Variants in TRAIP observed in about 807,000 individuals in gnomAD.
TRAIP encodes TRAF interacting protein.
A neutral mutation model predicts 65.0 loss-of-function variants in TRAIP; 37 were observed. The ratio of observed to expected loss-of-function variants is 0.57; its 90% CI spans 0.44 to 0.75. The LOEUF (loss-of-function observed/expected upper bound fraction) is 0.75. Ranked by LOEUF, TRAIP falls within the 30% of genes least tolerant of loss-of-function variation. The pLI is 0.00. For missense variants in TRAIP, 481 were observed against 579.4 expected, an observed-to-expected ratio of 0.83 and a Z score of 1.74; for synonymous variants, 187 against 219.1, an observed-to-expected ratio of 0.85 and a Z score of 1.29.
At chr3:49,848,845 A>G (rs2081907466) in intron 1 of TRAIP, among the ~76,000 whole-genome samples, 2 of 151,866 alleles carry the variant, frequency 1.3e-5, no homozygotes, top group South Asian at 2.1e-4. Context: ...CTATGTACTC[A>G]TAACTTTTTT....
At chr3:49,841,722 T>C in intron 7 of TRAIP, 104 bp downstream of exon 7, 1 of 830,570 alleles carries the variant, frequency 1.2e-6, no homozygotes, top group African/African-American at 1.7e-5. Context: ...GCTCCAGAGT[T>C]TGCCCCTTAG....
chr3:49,848,246 T>C (rs1575398459), intron 1 of TRAIP, 46 bp from the exon 2 acceptor site: 1 of 1,604,938 alleles, frequency 6.2e-7, no homozygotes, highest in African/African-American at 1.3e-5. Flanking sequence ...CTGGTTTGTC[T>C]GGGGACATAA....
chr3:49,842,025 G>A (rs533159421), intron 6 of TRAIP, 86 bp from the exon 7 acceptor site: 17 of 1,080,166 alleles, frequency 1.6e-5, no homozygotes, highest in African/African-American at 7.8e-5. Flanking sequence ...CTTTGCTGCC[G>A]TTGCTAAGGT....
intron 3 of TRAIP, 97 bp downstream of exon 3, chr3:49,847,428 A>T (rs2081894132): frequency 6.5e-6 from 5 of 771,962 alleles, no homozygotes; most frequent in Non-Finnish European, 1.1e-5. Flanking sequence ...AAAAGAGAAG[A>T]GAAGAGAAGA....
intron 10 of TRAIP, among the ~76,000 whole-genome samples, chr3:49,834,514 A>T (rs115615516): frequency 0.029 from 4,419 of 152,318 alleles, 104 homozygotes; most frequent in Non-Finnish European, 0.041. Flanking sequence ...GCTCCACCCC[A>T]TCCTAATCTG....
At chr3:49,835,808 G>A (rs770605258) in intron 10 of TRAIP, among the ~76,000 whole-genome samples, 14 of 151,602 alleles carry the variant, frequency 9.2e-5, no homozygotes, top group East Asian at 2.0e-4. Context: ...GCGTGGTGGC[G>A]GGCACCTGTA....
At chr3:49,834,275 C>T (rs896200104) in intron 10 of TRAIP, among the ~76,000 whole-genome samples, 2 of 152,094 alleles carry the variant, frequency 1.3e-5, no homozygotes, top group Non-Finnish European at 2.9e-5. Flanking sequence ...TGATGCCTCC[C>T]TAAAATGACA....
At chr3:49,839,165 G>A (rs1440555098) in intron 10 of TRAIP, among the ~76,000 whole-genome samples, 3 of 151,462 alleles carry the variant, frequency 2.0e-5, no homozygotes, top group Admixed American at 2.0e-4. Context: ...CTCCAGCCTG[G>A]CAACAGAGTA....
chr3:49,831,918 T>G lies in TRAIP; in HGVS notation c.1035A>C (p.Ser345=). 1 of 1,572,472 alleles carries G rather than the reference T, an allele frequency of 6.4e-7. No homozygotes were observed. Among genetic ancestry groups the G allele is most frequent in the Non-Finnish European group, 8.6e-7 (1 of 1,158,214 alleles). ...GYYEKLCLEK[S]HSPIQDVPKK... is the part of the protein sequence containing the mutation. ...CAGTGCCAGCGACTATCACTCACTG[T>G]GACTTCTCTAGGCAAAGTTTTTCGT... is the stretch of plus-strand genomic sequence containing the variant. The change falls in exon 11 of 15, where the codon TCA becomes TCC. Residue 345 remains serine (S), a splice_region_variant and synonymous_variant. Transcript: ENST00000331456.
Position 49,832,058 on chromosome 3 carries a change from C to G in TRAIP, c.895G>C (p.Val299Leu). The G allele has an allele frequency of 6.3e-7, 1 of 1,594,160 alleles. No individual in the cohort carries two copies. Among genetic ancestry groups the G allele is most frequent in the Non-Finnish European group, 8.5e-7 (1 of 1,169,856 alleles). ...CGGCGGAGCTTCAGATTCACCTCCACAGGGGCTGGGCTGAAGGCAGAGATG... is the reference window on the plus strand; with the variant it reads ...CGGCGGAGCTTCAGATTCACCTCCAGAGGGGCTGGGCTGAAGGCAGAGATG... Reference protein sequence around the residue: ...DRLVLESPAPVEVNLKLRRPS... With the variant: ...DRLVLESPAPLEVNLKLRRPS... Residue 299 changes from valine (V) to leucine (L), a missense_variant, in exon 11 of 15, where the codon GTG (valine) becomes CTG (leucine). Physicochemically the swap from Val to Leu is conservative, Grantham distance 32 (BLOSUM62 1). Coordinates refer to ENST00000331456, the MANE Select transcript of TRAIP (RefSeq NM_005879.3).
intron 4 of TRAIP, 98 bp from the exon 5 acceptor site, chr3:49,844,026 G>T: frequency 6.8e-7 from 1 of 1,463,862 alleles, no homozygotes; most frequent in Non-Finnish European, 9.2e-7. Context: ...CCCTTAGGCA[G>T]GTGAGAAACA....
intron 10 of TRAIP, among the ~76,000 whole-genome samples, chr3:49,833,366 C>T (rs2081752509): frequency 6.6e-6 from 1 of 152,242 alleles, no homozygotes; most frequent in South Asian, 2.1e-4. Flanking sequence ...TCACTTGCAC[C>T]TCCTGGTCAT....
In TRAIP at chr3:49,839,492, G is replaced by A. The variant is rs942041699; in HGVS notation, c.884+280C>T. 5.3e-5 allele frequency among the ~76,000 whole-genome samples: 8 copies of A among 152,188 alleles called. No homozygotes were observed. The East Asian group carries it at 1.5e-3, about 29-fold the overall frequency. On this transcript the variant is annotated intron_variant, in intron 10 of 14. Coordinates refer to ENST00000331456, the MANE Select transcript of TRAIP (RefSeq NM_005879.3). ...ATCTGGGGTGGACAGATAAATGTGGGGAGCTACTCCATAAACAGGATGCCC... is the reference window on the plus strand; with the variant it reads ...ATCTGGGGTGGACAGATAAATGTGGAGAGCTACTCCATAAACAGGATGCCC...
At chr3:49,841,224 T>G in intron 7 of TRAIP, 152 bp from the exon 8 acceptor site, 1 of 665,860 alleles carries the variant, frequency 1.5e-6, no homozygotes, top group Non-Finnish European at 2.7e-6. Context: ...CAGGTGGCAC[T>G]GTGGAGGGTC....
At position 49,856,536 on chromosome 3, in the gene TRAIP, G is replaced by A. The variant is rs2081971895; in HGVS notation, c.-83C>T. On this transcript the variant is annotated 5_prime_UTR_variant, in exon 1 of 15. Transcript: ENST00000331456. ...TAGACGCGCCCCCGCGCCTCCGCTT[G>A]CTTCAAATTTGGCTCCGCAGCACGA... 4 of 1,327,006 alleles carry A rather than the reference G, an allele frequency of 3.0e-6. No individual in the cohort carries two copies. The highest frequency in any genetic ancestry group is 4.2e-6 in the Non-Finnish European group (4 of 948,634). 82.2% of individuals were successfully genotyped at this position (1,327,006 alleles called of 1,614,324 possible). A position where few individuals can be genotyped will look rare whatever the true frequency, so the allele number is the denominator to read the frequency against.
At position 49,847,614 on chromosome 3, in the gene TRAIP, T is replaced by C. The variant is rs909261729; in HGVS notation, c.157-6A>G. On this transcript the variant is annotated splice_region_variant and splice_polypyrimidine_tract_variant and intron_variant, in intron 2 of 14. Coordinates refer to ENST00000331456, the MANE Select transcript of TRAIP (RefSeq NM_005879.3). ...ATAATGGTTCTTTTGCCAACCTGGA[T>C]GGGAGAACAAGGTAAGAGTATGATT... is the stretch of plus-strand genomic sequence containing the variant. The C allele has an allele frequency of 6.2e-7, 1 of 1,604,598 alleles. No homozygotes were observed. The highest frequency in any genetic ancestry group is 8.5e-7 in the Non-Finnish European group (1 of 1,174,890).
At chr3:49,848,519 T>TA (rs1392352545) in intron 1 of TRAIP, among the ~76,000 whole-genome samples, 1 of 152,172 alleles carries the variant, frequency 6.6e-6, no homozygotes, top group Non-Finnish European at 1.5e-5. Flanking sequence ...AGGACTCTGA[T>TA]AACACCCCCA....
intron 10 of TRAIP, among the ~76,000 whole-genome samples, chr3:49,837,752 T>G (rs1170168140): frequency 2.0e-5 from 3 of 152,004 alleles, no homozygotes; most frequent in Non-Finnish European, 2.9e-5. Context: ...CAGCTAATTT[T>G]TCTATTTTTA....
At chr3:49,833,189 A>C (rs2081750777) in intron 10 of TRAIP, among the ~76,000 whole-genome samples, 1 of 152,186 alleles carries the variant, frequency 6.6e-6, no homozygotes, top group Admixed American at 6.5e-5. Context: ...TACCAACCCC[A>C]GCAAGTTGAG....
Sources: gnomAD v4.1 joint callset for allele counts (sites outside exome capture counted in the v4.1 genomes callset) on GRCh38, gnomAD v4.1.1 for gene constraint, MANE v1.5 for transcripts, NCBI Gene and HGNC (gene_info 2026-07-23, HGNC 2026-07-21) for gene names.